Variants in DNAH7 observed in about 807,000 individuals in gnomAD.
The protein encoded by DNAH7 is axonemal beta dynein heavy chain 7.
A neutral mutation model predicts 444.6 loss-of-function variants in DNAH7; 397 were observed. The ratio of observed to expected loss-of-function variants is 0.89; its 90% CI spans 0.82 to 0.97. DNAH7 has a LOEUF of 0.97. DNAH7 is among the 50% of genes least tolerant of loss of function. The pLI, the probability that DNAH7 is intolerant of heterozygous loss-of-function variation, is 0.00. For missense variants in DNAH7, 4,902 were observed against 4,800.8 expected, an observed-to-expected ratio of 1.02 and a Z score of -0.62; for synonymous variants, 1,636 against 1,624.4, an observed-to-expected ratio of 1.01 and a Z score of -0.17.
chr2:196,005,088 G>A (rs759286394), intron 10 of DNAH7, among the ~76,000 whole-genome samples: 1 of 151,268 alleles, frequency 6.6e-6, no homozygotes, highest in African/African-American at 2.4e-5. Context: ...AGCTAACACC[G>A]TGAAACCCCG....
chr2:195,900,292 C>T lies in DNAH7; in HGVS notation c.4538G>A (p.Gly1513Glu). Residue 1513 changes from glycine to glutamate, a missense_variant, in exon 28 of 65, where the codon GGG (glycine) becomes GAG (glutamate). Transcript: ENST00000312428. ...TATTGTGTTCTCTACCTTCAGATTC[C>T]CAGCAGCAGTAAGAACTGACTTCAC... is the stretch of plus-strand genomic sequence containing the variant. Reference protein sequence around the residue: ...RAVKSVLTAAGNLKLKYPNEN... With the variant: ...RAVKSVLTAAENLKLKYPNEN... The T allele has an allele frequency of 6.2e-7, 1 of 1,613,756 alleles. No individual in the cohort carries two copies. Among genetic ancestry groups the T allele is most frequent in the Non-Finnish European group, 8.5e-7 (1 of 1,179,800 alleles).
chr2:195,950,405 T>TA (rs1182570133), intron 19 of DNAH7, among the ~76,000 whole-genome samples: 2 of 152,240 alleles, frequency 1.3e-5, no homozygotes, highest in Non-Finnish European at 2.9e-5. Context: ...GAGGTGTTTA[T>TA]AGTAATCTCT....
chr2:195,900,253 T>C (rs1686616775), intron 28 of DNAH7, 29 bp downstream of exon 28: 3 of 1,608,066 alleles, frequency 1.9e-6, no homozygotes, highest in East Asian at 2.2e-5. Flanking sequence ...AATAGGAAAT[T>C]TACAAGTAAG....
chr2:196,054,888 C>G (rs183388613), intron 2 of DNAH7, among the ~76,000 whole-genome samples: 1 of 152,154 alleles, frequency 6.6e-6, no homozygotes, highest in Admixed American at 6.6e-5. Flanking sequence ...TCCCTTTCCA[C>G]GATGTTTGTA....
In DNAH7 at chr2:195,876,743, T is replaced by C. The variant is rs774848646; in HGVS notation, c.5962-44A>G. On this transcript the variant is annotated intron_variant, in intron 36 of 64. Coordinates refer to ENST00000312428, the MANE Select transcript of DNAH7 (RefSeq NM_018897.3). Reference sequence around the variant, plus strand: ...AAATGAGCCATAGTTGGAATTATGTTTTGACATTTCAGAATAAACACTAAG... The same window carrying C: ...AAATGAGCCATAGTTGGAATTATGTCTTGACATTTCAGAATAAACACTAAG... 3.6e-6 allele frequency: 5 copies of C among 1,382,316 alleles called. No individual in the cohort carries two copies. In the Admixed American group the frequency reaches 5.6e-5, roughly 16 times the overall value. The allele number at this position is 1,382,316 out of a possible 1,614,324, so 85.6% of individuals were successfully genotyped here. A position where few individuals can be genotyped will look rare whatever the true frequency, so the allele number is the denominator to read the frequency against.
chr2:195,936,903 A>C, intron 19 of DNAH7, 111 bp from the exon 20 acceptor site: 1 of 896,720 alleles, frequency 1.1e-6, no homozygotes, highest in East Asian at 3.0e-5. Flanking sequence ...GGTTATGTAA[A>C]TTTTAAGGGG....
chr2:195,818,650 A>C lies in DNAH7; in HGVS notation c.9292-821T>G, dbSNP rs1473659766. On this transcript the variant is annotated intron_variant, in intron 49 of 64. Transcript: ENST00000312428. ...TTATTTATATATATTTTCTGCCTCC[A>C]CTTTATTTCATGATACAGCCCTTTA... Among the ~76,000 whole-genome samples, 6 of 152,020 alleles carry C rather than the reference A, an allele frequency of 3.9e-5. No homozygotes were observed. In the East Asian group the frequency reaches 1.2e-3, roughly 29 times the overall value.
At chr2:195,799,761 C>A (rs1055180249) in intron 54 of DNAH7, among the ~76,000 whole-genome samples, 1 of 152,144 alleles carries the variant, frequency 6.6e-6, no homozygotes, top group Non-Finnish European at 1.5e-5. Context: ...AAGAAGGAAC[C>A]TGAACTCTTA....
chr2:195,776,438 C>T (rs954411786), intron 59 of DNAH7, among the ~76,000 whole-genome samples: 1 of 148,274 alleles, frequency 6.7e-6, no homozygotes, highest in Non-Finnish European at 1.5e-5. Flanking sequence ...AGTGAAACTC[C>T]ATCTCAAAAA....
chr2:195,932,814 G>A (rs1477721933), intron 21 of DNAH7, among the ~76,000 whole-genome samples: 3 of 152,034 alleles, frequency 2.0e-5, no homozygotes, highest in Non-Finnish European at 2.9e-5. Flanking sequence ...TGCTGGATTC[G>A]GTTTGCCAGT....
intron 40 of DNAH7, among the ~76,000 whole-genome samples, chr2:195,868,089 CTTTTTTTTT>C (rs58317384): frequency 3.0e-5 from 3 of 101,058 alleles, no homozygotes; most frequent in South Asian, 6.4e-4. Context: ...TATTATTCAT[CTTTTTTTTT>C]TTTTTTTTTT....
chr2:195,816,282 A>G (rs1028230), intron 51 of DNAH7, among the ~76,000 whole-genome samples: 2,512 of 152,312 alleles, frequency 0.016, 55 homozygotes, highest in East Asian at 0.069. Flanking sequence ...CAACTTTTAG[A>G]ATGCCAGTTC....
chr2:195,771,887 G>A lies in DNAH7; in HGVS notation c.11206C>T (p.Arg3736Cys), dbSNP rs200568662. 26 of 1,613,716 alleles carry A rather than the reference G, an allele frequency of 1.6e-5. No homozygotes were observed. Among genetic ancestry groups the A allele is most frequent in the African/African-American group, 4.0e-5 (3 of 74,896 alleles). The change falls in exon 61 of 65, where the codon CGT becomes TGT. Residue 3736 changes from arginine to cysteine, a missense_variant. Physicochemically the swap from Arg to Cys is radical, Grantham distance 180. Coordinates refer to ENST00000312428, the MANE Select transcript of DNAH7 (RefSeq NM_018897.3). ...GATTTTGCACCAGCACCTGCTGAAC[G>A]AGACTATGAAGAATCCAAACTATAA... ...LFDNILLTQS[R>C]SAGAGAKSSD...
In DNAH7 at chr2:196,047,361, T is replaced by A. The variant is rs1306813051; in HGVS notation, c.389A>T (p.Asn130Ile). The change falls in exon 5 of 65, where the codon AAT becomes ATT. Residue 130 changes from asparagine (N) to isoleucine (I), a missense_variant. Coordinates refer to ENST00000312428, the MANE Select transcript of DNAH7 (RefSeq NM_018897.3). ...AGCCTATACAACTTACATAATGACA[T>A]TAACAAGAGTACTTCTAAAGTTTTC... ...ERENFRSTLVNVIMQQDADLD... is the reference protein window; with the variant it reads ...ERENFRSTLVIVIMQQDADLD... 4.4e-6 allele frequency: 7 copies of A among 1,593,192 alleles called. No individual in the cohort carries two copies. Among genetic ancestry groups the A allele is most frequent in the Non-Finnish European group, 6.0e-6 (7 of 1,169,086 alleles).
intron 54 of DNAH7, among the ~76,000 whole-genome samples, chr2:195,805,243 T>A (rs1042936967): frequency 3.9e-5 from 6 of 152,112 alleles, no homozygotes; most frequent in Non-Finnish European, 8.8e-5. Flanking sequence ...AAACTTAATA[T>A]AAAACACGAA....
intron 19 of DNAH7, 78 bp from the exon 20 acceptor site, chr2:195,936,870 TTA>T (rs1689090528): frequency 1.8e-6 from 2 of 1,140,886 alleles, no homozygotes; most frequent in South Asian, 2.3e-5. Context: ...ATATTTGAGA[TTA>T]TATGTTTGTA....
chr2:195,893,859 T>G (rs939664941), intron 30 of DNAH7: 1 of 152,154 alleles, frequency 6.6e-6, no homozygotes, highest in Non-Finnish European at 1.5e-5. Context: ...TTCTACTCTT[T>G]GAGCAGTGAC....
At chr2:195,883,459 C>T (rs891525842) in intron 35 of DNAH7, among the ~76,000 whole-genome samples, 29 of 148,764 alleles carry the variant, frequency 1.9e-4, no homozygotes, top group South Asian at 6.4e-4. Flanking sequence ...GCTCCCCCCC[C>T]CCAAAAAAAA....
Position 195,906,796 on chromosome 2 carries a change from A to T in DNAH7, c.4208-10T>A, listed in dbSNP as rs367572181. 2 of 1,612,934 alleles carry T rather than the reference A, an allele frequency of 1.2e-6. No individual in the cohort carries two copies. Among genetic ancestry groups the T allele is most frequent in the East Asian group, 4.5e-5 (2 of 44,856 alleles). The stretch of plus-strand genomic sequence containing the variant: ...GCACCTGCATTAATACCTGTAGGTA[A>T]TCAGGAATGAAATGACTTAGTAATA... On this transcript the variant is annotated splice_polypyrimidine_tract_variant and intron_variant, in intron 26 of 64. Coordinates refer to ENST00000312428, the MANE Select transcript of DNAH7 (RefSeq NM_018897.3).
Sources: allele counts gnomAD v4.1 joint callset (sites outside exome capture counted in the v4.1 genomes callset), GRCh38; gene constraint gnomAD v4.1.1; transcripts MANE v1.5; gene names NCBI Gene and HGNC (gene_info 2026-07-23, HGNC 2026-07-21).